MASTL: variants seen among roughly 807,000 people sequenced by gnomAD.
The protein encoded by MASTL is microtubule associated serine/threonine kinase like.
In MASTL, 54 loss-of-function variants were observed where a neutral mutation model predicts 82.5. The observed-to-expected ratio is 0.65, with a 90% CI of 0.53 to 0.82. The LOEUF (loss-of-function observed/expected upper bound fraction) is 0.82, where lower values mean the gene tolerates loss of function less well. Ranked by LOEUF, MASTL falls within the 40% of genes least tolerant of loss-of-function variation. The pLI is 0.00. For missense variants in MASTL, 950 were observed against 1,047.8 expected (o/e 0.91, Z 1.29); for synonymous variants, 323 against 368.9 (o/e 0.88, Z 1.43).
chr10:27,186,515 T>G lies in MASTL; in HGVS notation c.2619T>G (p.Thr873=). ...FEARNTAQHL[T]VSGFSL The stretch of plus-strand genomic sequence containing the variant: ...CCAGGAATACTGCTCAGCACCTGAC[T>G]GTATCTGGATTTAGTCTGTAGCACA... The change falls in exon 12 of 12, where the codon ACT becomes ACG. Residue 873 remains threonine, a synonymous_variant. Transcript: ENST00000375940. 2 of 1,613,662 alleles carry G rather than the reference T, an allele frequency of 1.2e-6. No homozygotes were observed. The highest frequency in any genetic ancestry group is 1.7e-6 in the Non-Finnish European group (2 of 1,179,868).
chr10:27,186,274 T>G (rs571010017), intron 11 of MASTL, 105 bp from the exon 12 acceptor site: 50 of 1,152,954 alleles, frequency 4.3e-5, no homozygotes, highest in Non-Finnish European at 6.2e-5. Flanking sequence ...CATAATAAAG[T>G]AAGGTAAGTT....
chr10:27,159,613 T>G lies in MASTL; in HGVS notation c.325-6T>G. 1 of 1,501,272 alleles carries G rather than the reference T, an allele frequency of 6.7e-7. No individual in the cohort carries two copies. The highest frequency in any genetic ancestry group is 1.1e-5 in the South Asian group (1 of 87,888). The allele number at this position is 1,501,272 out of a possible 1,614,324, so 93.0% of individuals were successfully genotyped here. On this transcript the variant is annotated splice_polypyrimidine_tract_variant and splice_region_variant and intron_variant, in intron 2 of 11. Coordinates refer to ENST00000375940, the MANE Select transcript of MASTL (RefSeq NM_001172303.3). The surrounding 1 kb of genome is among the most constrained non-coding windows in gnomAD (Gnocchi z 4.0). ...TATTTCACAATATTAAATTCTTTTT[T>G]GAAAGGTAATGGAATATCTTATTGG...
rs528886816 is a variant in MASTL, at chr10:27,172,401, C to T, written c.2125-717C>T. On this transcript the variant is annotated intron_variant, in intron 8 of 11. Coordinates refer to ENST00000375940, the MANE Select transcript of MASTL (RefSeq NM_001172303.3). Reference sequence around the variant, plus strand: ...GTTGTGAATGCCAGGCGTGGTGGCTCACACCATCTTTGGGAGGCCAAGGTG... The same window carrying T: ...GTTGTGAATGCCAGGCGTGGTGGCTTACACCATCTTTGGGAGGCCAAGGTG... Among the ~76,000 whole-genome samples, 3 of 152,138 alleles carry T rather than the reference C, an allele frequency of 2.0e-5. No homozygotes were observed. In the South Asian group the frequency reaches 6.2e-4, roughly 32 times the overall value.
intron 4 of MASTL, among the ~76,000 whole-genome samples, chr10:27,163,206 C>T (rs1198424000): frequency 2.6e-5 from 4 of 152,154 alleles, no homozygotes; most frequent in South Asian, 2.1e-4. Context: ...CATGAGCCAC[C>T]GTGCCTGGCC....
chr10:27,165,924 A>T lies in MASTL; in HGVS notation c.811+385A>T, dbSNP rs569588188. ...TCAAAAAAACAAAAAATGCCCCAAA[A>T]TTCAAAACATTTTGAGTACCAACAT... On this transcript the variant is annotated intron_variant, in intron 6 of 11. Coordinates refer to ENST00000375940, the MANE Select transcript of MASTL (RefSeq NM_001172303.3). Among the ~76,000 whole-genome samples the T allele has an allele frequency of 2.6e-5, 4 of 151,860 alleles. 1 individual carries two copies. In the South Asian group the frequency reaches 6.3e-4, roughly 24 times the overall value.
Position 27,159,618 on chromosome 10 carries a change from G to T in MASTL, c.325-1G>T, listed in dbSNP as rs761941200. The T allele has an allele frequency of 6.6e-7, 1 of 1,507,916 alleles. No individual in the cohort carries two copies. The highest frequency in any genetic ancestry group is 9.2e-7 in the Non-Finnish European group (1 of 1,085,038). The allele number at this position is 1,507,916 out of a possible 1,614,324, so 93.4% of individuals were successfully genotyped here. A position where few individuals can be genotyped will look rare whatever the true frequency, so the allele number is the denominator to read the frequency against. On this transcript the variant is annotated splice_acceptor_variant, in intron 2 of 11. Coordinates refer to ENST00000375940, the MANE Select transcript of MASTL (RefSeq NM_001172303.3). LOFTEE classifies it high-confidence loss of function. This position sits in a 1 kb window ranked among gnomAD's most constrained non-coding sequence, Gnocchi z 4.0. ...CACAATATTAAATTCTTTTTTGAAA[G>T]GTAATGGAATATCTTATTGGGGGAG...
chr10:27,178,561 T>C (rs1019782530), intron 9 of MASTL, among the ~76,000 whole-genome samples: 3 of 152,156 alleles, frequency 2.0e-5, no homozygotes, highest in Non-Finnish European at 4.4e-5. Flanking sequence ...AAATCTGTTC[T>C]TTTTCTGTGG....
chr10:27,162,740 T>A (rs1339243244), intron 4 of MASTL, among the ~76,000 whole-genome samples: 2 of 151,984 alleles, frequency 1.3e-5, no homozygotes, highest in African/African-American at 4.8e-5. Flanking sequence ...ATAATGAAAA[T>A]AACCAGAAAT....
intron 11 of MASTL, among the ~76,000 whole-genome samples, chr10:27,185,450 T>C (rs1318243861): frequency 1.3e-5 from 2 of 151,550 alleles, no homozygotes; most frequent in Non-Finnish European, 2.9e-5. Flanking sequence ...CTGGCCAACA[T>C]GGTGAAACCC....
intron 4 of MASTL, among the ~76,000 whole-genome samples, chr10:27,163,808 T>A (rs1376819200): frequency 6.6e-6 from 1 of 151,910 alleles, no homozygotes; most frequent in Non-Finnish European, 1.5e-5. Flanking sequence ...TTTTTTGTAT[T>A]TTTAGTAGAG....
rs10764686 is a variant in MASTL at position 27,186,565 on chromosome 10, T to C, written c.*29T>C. On this transcript the variant is annotated 3_prime_UTR_variant, in exon 12 of 12. Transcript: ENST00000375940. ...AAAAATTTTCCTTTTAGTCTAGCCT[T>C]GTGTTATAGAATGAACTTGCATAAT... 944,875 of 1,576,432 alleles carry C rather than the reference T, an allele frequency of 0.6. 293,073 individuals carry two copies. Among genetic ancestry groups the C allele is most frequent in the Non-Finnish European group, 0.64 (736,863 of 1,145,588 alleles).
Position 27,187,262 on chromosome 10 carries a change from T to G in MASTL, c.*726T>G, listed in dbSNP as rs938954433. Among the ~76,000 whole-genome samples, 1 of 152,110 alleles carries G rather than the reference T, an allele frequency of 6.6e-6. No individual in the cohort carries two copies. The highest frequency in any genetic ancestry group is 6.5e-5 in the Admixed American group (1 of 15,274). ...TTGTGGTGAGCCAAGATCGTGCCAC[T>G]GCACTCCAGCCTGGGCAACAGAACA... On this transcript the variant is annotated 3_prime_UTR_variant, in exon 12 of 12. Coordinates refer to ENST00000375940, the MANE Select transcript of MASTL (RefSeq NM_001172303.3).
Position 27,161,147 on chromosome 10 carries a change from C to A in MASTL, c.518C>A (p.Thr173Lys). The A allele has an allele frequency of 6.2e-7, 1 of 1,612,040 alleles. No homozygotes were observed. Among genetic ancestry groups the A allele is most frequent in the Non-Finnish European group, 8.5e-7 (1 of 1,178,244 alleles). Residue 173 changes from threonine to lysine, a missense_variant, in exon 4 of 12, where the codon ACG (threonine) becomes AAG (lysine). By Grantham distance (78) the Thr-to-Lys change is moderately conservative. Coordinates refer to ENST00000375940, the MANE Select transcript of MASTL (RefSeq NM_001172303.3). ...TCTAATGAGGGTCATATTAAACTGACGGATTTTGGCCTTTCAAAAGTTACT... is the reference window on the plus strand; with the variant it reads ...TCTAATGAGGGTCATATTAAACTGAAGGATTTTGGCCTTTCAAAAGTTACT... Reference protein sequence around the residue: ...LISNEGHIKLTDFGLSKVTLN... With the variant: ...LISNEGHIKLKDFGLSKVTLN...
At chr10:27,160,953 T>G (rs1382332361) in intron 3 of MASTL, 141 bp from the exon 4 acceptor site, 14 of 655,286 alleles carry the variant, frequency 2.1e-5, no homozygotes, top group African/African-American at 2.0e-4. Flanking sequence ...TTTTCTGTAC[T>G]TTTCAAAGCC....
At chr10:27,178,755 T>A (rs534086990) in intron 9 of MASTL, among the ~76,000 whole-genome samples, 51 of 150,654 alleles carry the variant, frequency 3.4e-4, no homozygotes, top group African/African-American at 1.2e-3. Context: ...AATAAGGAAA[T>A]TTTTTTTTTC....
In MASTL at chr10:27,170,993, A is replaced by C. The variant is rs2057913715; in HGVS notation, c.2034A>C (p.Leu678Phe). 6.2e-7 allele frequency: 1 copy of C among 1,614,004 alleles called. No individual in the cohort carries two copies. Among genetic ancestry groups the C allele is most frequent in the Admixed American group, 1.7e-5 (1 of 60,002 alleles). ...CATCCAGAATGAACATGACTTCTTTAGATGCAATGGATATTTCGTGTGCCT... is the reference window on the plus strand; with the variant it reads ...CATCCAGAATGAACATGACTTCTTTCGATGCAATGGATATTTCGTGTGCCT... ...SEPSRMNMTS[L>F]DAMDISCAYS... The change falls in exon 8 of 12, where the codon TTA becomes TTC. Residue 678 changes from leucine (L) to phenylalanine (F), a missense_variant. Leu to Phe is a conservative substitution (Grantham distance 22). Transcript: ENST00000375940.
chr10:27,164,501 C>T (rs912831947), intron 4 of MASTL, among the ~76,000 whole-genome samples: 2 of 152,112 alleles, frequency 1.3e-5, no homozygotes, highest in African/African-American at 4.8e-5. Context: ...TATTATGTGT[C>T]AGTGTTGAAT....
intron 4 of MASTL, among the ~76,000 whole-genome samples, chr10:27,164,762 C>T (rs1209642812): frequency 2.0e-4 from 30 of 152,000 alleles, no homozygotes; most frequent in African/African-American, 6.5e-4. Flanking sequence ...CTCAGCCTCC[C>T]GAGTACCTGA....
chr10:27,184,627 C>G (rs1384544546), intron 11 of MASTL, among the ~76,000 whole-genome samples: 1 of 119,648 alleles, frequency 8.4e-6, no homozygotes, highest in African/African-American at 3.2e-5. Context: ...GTGGCATGAT[C>G]TCGGCTCACT....
Sources: allele counts gnomAD v4.1 joint callset (sites outside exome capture counted in the v4.1 genomes callset), GRCh38; gene constraint gnomAD v4.1.1; non-coding constraint Gnocchi (gnomAD v3.1); transcripts MANE v1.5; gene names NCBI Gene and HGNC (gene_info 2026-07-23, HGNC 2026-07-21).